The following CPEB1 variants were observed in gnomAD, a reference collection of about 807,000 sequenced individuals.
CPEB1 encodes cytoplasmic polyadenylation element binding protein 1.
Under a neutral mutation model 65.8 loss-of-function variants are expected in CPEB1, and 7 were observed. That is an observed-to-expected ratio of 0.11 (90% CI 0.06 to 0.20). The LOEUF is 0.20. Ranked by LOEUF, CPEB1 falls within the 10% of genes least tolerant of loss-of-function variation. The pLI, the probability that CPEB1 is intolerant of heterozygous loss-of-function variation, is 1.00. For synonymous variants in CPEB1, 262 were observed against 260.0 expected, an observed-to-expected ratio of 1.01 and a Z score of -0.08; for missense variants, 551 against 712.2, an observed-to-expected ratio of 0.77 and a Z score of 2.58.
intron 3 of CPEB1, among the ~76,000 whole-genome samples, chr15:82,620,318 G>A (rs1005209763): frequency 1.4e-5 from 2 of 141,182 alleles, no homozygotes; most frequent in Admixed American, 1.4e-4. Context: ...CCAGCTACTT[G>A]GGAGGCTGAG....
intron 11 of CPEB1, 70 bp from the exon 12 acceptor site, chr15:82,546,591 G>GGGCA: frequency 8.7e-7 from 1 of 1,149,526 alleles, no homozygotes; most frequent in African/African-American, 1.5e-5. Context: ...GATAGAAGAA[G>GGGCA]GGCACATTAT....
intron 4 of CPEB1, 98 bp downstream of exon 4, chr15:82,571,246 T>A (rs905452248): frequency 2.1e-6 from 3 of 1,442,934 alleles, no homozygotes; most frequent in African/African-American, 2.8e-5. Context: ...TGGTGGGGAG[T>A]GATGCAAAGG....
intron 3 of CPEB1, among the ~76,000 whole-genome samples, chr15:82,574,115 T>C (rs946746621): frequency 6.6e-6 from 1 of 152,204 alleles, no homozygotes; most frequent in Non-Finnish European, 1.5e-5. Flanking sequence ...ACACACAGTA[T>C]AATTCTACCC....
chr15:82,593,081 G>A (rs561850149), intron 3 of CPEB1, among the ~76,000 whole-genome samples: 1 of 152,296 alleles, frequency 6.6e-6, no homozygotes, highest in South Asian at 2.1e-4. Context: ...TTGCCTCAAT[G>A]TGCATGGCTG....
chr15:82,585,451 C>G (rs1040543824), intron 3 of CPEB1, among the ~76,000 whole-genome samples: 1 of 152,152 alleles, frequency 6.6e-6, no homozygotes, highest in Non-Finnish European at 1.5e-5. Flanking sequence ...TCTCACTTTT[C>G]AAGGGAGAAA....
chr15:82,622,182 A>G (rs1476628574), intron 3 of CPEB1, among the ~76,000 whole-genome samples: 1 of 152,122 alleles, frequency 6.6e-6, no homozygotes, highest in African/African-American at 2.4e-5. Context: ...GGTGGCAGAC[A>G]TCCCTGTCAT....
In CPEB1 at chr15:82,606,762, G is replaced by A. The variant is rs1262578274; in HGVS notation, c.271+20431C>T. On this transcript the variant is annotated intron_variant, in intron 3 of 12. Coordinates refer to ENST00000684509, the MANE Select transcript of CPEB1 (RefSeq NM_001365242.1). ...GAACCCGGGAGGCGGAGCTTGCAGT[G>A]AGCCGAGATCCCGCCACTGCACTCC... is the stretch of plus-strand genomic sequence containing the variant. 3.6e-5 allele frequency among the ~76,000 whole-genome samples: 2 copies of A among 56,308 alleles called. 1 individual carries two copies. 36.9% of individuals were successfully genotyped at this position (56,308 alleles called of 152,430 possible). A position where few individuals can be genotyped will look rare whatever the true frequency, so the allele number is the denominator to read the frequency against.
chr15:82,553,906 T>G lies in CPEB1; in HGVS notation c.1026A>C (p.Leu342=). The part of the protein sequence containing the change: ...KNPIYSCKVF[L]GGVPWDITEA... ...CTGTAATATCCCAAGGAACACCTCC[T>G]AGAAACACCTTGCAAGAGTAGATGG... The change falls in exon 7 of 13, where the codon CTA becomes CTC. Residue 342 remains leucine (L), a synonymous_variant. Transcript: ENST00000684509. 1.2e-6 allele frequency: 2 copies of G among 1,612,576 alleles called. No individual in the cohort carries two copies. Among genetic ancestry groups the G allele is most frequent in the Non-Finnish European group, 1.7e-6 (2 of 1,179,060 alleles).
chr15:82,592,248 ATAC>A (rs1000578459), intron 3 of CPEB1, among the ~76,000 whole-genome samples: 1 of 152,188 alleles, frequency 6.6e-6, no homozygotes, highest in African/African-American at 2.4e-5. Context: ...CTCAAAGTGA[ATAC>A]TACAATAGAG....
chr15:82,602,875 A>C (rs991009386), intron 3 of CPEB1, among the ~76,000 whole-genome samples: 3 of 152,106 alleles, frequency 2.0e-5, no homozygotes, highest in African/African-American at 7.2e-5. Context: ...TAAATAAAAT[A>C]AAATCAATGA....
chr15:82,578,358 A>G (rs2040888326), intron 3 of CPEB1, among the ~76,000 whole-genome samples: 1 of 152,194 alleles, frequency 6.6e-6, no homozygotes, highest in Admixed American at 6.5e-5. Context: ...TTTTGCACAG[A>G]ACTAAATCAA....
At chr15:82,599,258 G>A (rs960829603) in intron 3 of CPEB1, among the ~76,000 whole-genome samples, 2 of 152,134 alleles carry the variant, frequency 1.3e-5, no homozygotes, top group Non-Finnish European at 2.9e-5. Flanking sequence ...AACTGGACAC[G>A]TTCCTAGGCT....
At chr15:82,644,660 C>G (rs971535285) in intron 1 of CPEB1, among the ~76,000 whole-genome samples, 11 of 152,178 alleles carry the variant, frequency 7.2e-5, no homozygotes, top group Non-Finnish European at 2.9e-5. Context: ...GAGCAACAAT[C>G]AGCTAGTGGC....
chr15:82,589,182 C>G (rs1254650264), intron 3 of CPEB1, among the ~76,000 whole-genome samples: 1 of 152,228 alleles, frequency 6.6e-6, no homozygotes, highest in Non-Finnish European at 1.5e-5. Flanking sequence ...ACTTCCCACC[C>G]CCTGGAAAGC....
At chr15:82,643,949 A>T (rs2047297633) in intron 1 of CPEB1, among the ~76,000 whole-genome samples, 1 of 152,224 alleles carries the variant, frequency 6.6e-6, no homozygotes, top group African/African-American at 2.4e-5. Flanking sequence ...TAAAACAATT[A>T]TATAATTTCA....
chr15:82,627,088 A>G, intron 3 of CPEB1, 105 bp downstream of exon 3: 1 of 910,182 alleles, frequency 1.1e-6, no homozygotes. Flanking sequence ...CCAGCAACTC[A>G]ACATTGTTCT....
chr15:82,607,721 A>C (rs1307580446), intron 3 of CPEB1, among the ~76,000 whole-genome samples: 1 of 152,226 alleles, frequency 6.6e-6, no homozygotes, highest in Non-Finnish European at 1.5e-5. Flanking sequence ...TAAGACAAAA[A>C]TTGTTACTAG....
intron 3 of CPEB1, among the ~76,000 whole-genome samples, chr15:82,625,507 G>A (rs1315438305): frequency 1.3e-5 from 2 of 152,242 alleles, no homozygotes; most frequent in East Asian, 3.9e-4. Flanking sequence ...GTTGTCCTTT[G>A]GTATATGTAG....
intron 3 of CPEB1, among the ~76,000 whole-genome samples, chr15:82,625,750 T>C (rs1023899711): frequency 1.3e-5 from 2 of 152,224 alleles, no homozygotes; most frequent in African/African-American, 4.8e-5. Context: ...CAGTCCTTGT[T>C]TTGAGAATCC....
Sources: allele counts gnomAD v4.1 joint callset (sites outside exome capture counted in the v4.1 genomes callset), GRCh38; gene constraint gnomAD v4.1.1; transcripts MANE v1.5; gene names NCBI Gene and HGNC (gene_info 2026-07-23, HGNC 2026-07-21).